TFDP2: variants seen among roughly 807,000 people sequenced by gnomAD.
TFDP2 encodes transcription factor Dp-2.
In TFDP2, 17 loss-of-function variants were observed where a neutral mutation model predicts 59.3. The ratio of observed to expected loss-of-function variants is 0.29; its 90% confidence interval spans 0.20 to 0.43. The LOEUF (loss-of-function observed/expected upper bound fraction) is 0.43, where lower values mean the gene tolerates loss of function less well. TFDP2 is among the 20% of genes least tolerant of loss of function. TFDP2 has a pLI of 1.00. For missense variants in TFDP2, 391 were observed against 528.8 expected (o/e 0.74, Z 2.56); for synonymous variants, 180 against 194.7 (o/e 0.92, Z 0.63).
intron 1 of TFDP2, among the ~76,000 whole-genome samples, chr3:142,112,663 T>C (rs1053911901): frequency 2.0e-5 from 3 of 152,182 alleles, no homozygotes; most frequent in Non-Finnish European, 4.4e-5. Context: ...TGAGGTAGAA[T>C]TCTTCTGTCA....
At chr3:142,058,504 C>T (rs2059814513) in intron 3 of TFDP2, among the ~76,000 whole-genome samples, 1 of 152,126 alleles carries the variant, frequency 6.6e-6, no homozygotes, top group African/African-American at 2.4e-5. Context: ...CATGCCCAGG[C>T]TACTCCCATT....
At chr3:142,113,216 T>C (rs2061722048) in intron 1 of TFDP2, among the ~76,000 whole-genome samples, 1 of 152,184 alleles carries the variant, frequency 6.6e-6, no homozygotes, top group Non-Finnish European at 1.5e-5. Flanking sequence ...GACTTATCTT[T>C]ACTTGAACCA....
At position 141,970,116 on chromosome 3, in the gene TFDP2, C is replaced by T. The variant is rs557555072; in HGVS notation, c.689G>A (p.Arg230Gln). The change falls in exon 9 of 13, where the codon CGG becomes CAG. Residue 230 changes from arginine to glutamine, a missense_variant. Transcript: ENST00000489671. ...LEIEKQRRIE[R>Q]IKQKRAQLQE... ...CAGCTGGGCCCGCTTCTGCTTTATC[C>T]GTTCTATCCGCCTCTGCTTCTCTAT... 4.1e-5 allele frequency: 66 copies of T among 1,614,144 alleles called. 1 individual carries two copies. In the South Asian group the frequency reaches 4.9e-4, roughly 12 times the overall value.
At chr3:141,964,077 C>A in intron 9 of TFDP2, 114 bp from the exon 10 acceptor site, 1 of 851,050 alleles carries the variant, frequency 1.2e-6, no homozygotes, top group East Asian at 2.8e-5. Context: ...AAGAGACATC[C>A]CGCCTGCACT....
chr3:142,092,988 T>C (rs2061048105), intron 3 of TFDP2, 73 bp downstream of exon 3: 1 of 984,092 alleles, frequency 1.0e-6, no homozygotes, highest in African/African-American at 1.6e-5. Flanking sequence ...GTAATTCATG[T>C]AGCTGCATAT....
intron 11 of TFDP2, among the ~76,000 whole-genome samples, chr3:141,955,311 T>C (rs1392662862): frequency 1.3e-5 from 2 of 152,232 alleles, no homozygotes; most frequent in African/African-American, 2.4e-5. Flanking sequence ...AGAAAGTCTG[T>C]ATCCCAGTCT....
At chr3:142,083,902 T>C (rs2060721912) in intron 3 of TFDP2, among the ~76,000 whole-genome samples, 3 of 152,188 alleles carry the variant, frequency 2.0e-5, no homozygotes, top group South Asian at 4.1e-4. Flanking sequence ...ATGAAACTAC[T>C]ACAAGAAAAC....
At chr3:142,088,978 C>T (rs2060907340) in intron 3 of TFDP2, among the ~76,000 whole-genome samples, 1 of 151,998 alleles carries the variant, frequency 6.6e-6, no homozygotes, top group African/African-American at 2.4e-5. Context: ...CAGGTGCCCG[C>T]CACCATGCCC....
chr3:142,013,357 T>C (rs1057207728), intron 3 of TFDP2, among the ~76,000 whole-genome samples: 3 of 152,206 alleles, frequency 2.0e-5, no homozygotes, highest in African/African-American at 7.2e-5. Context: ...AAAACTTACT[T>C]CCATCAAATC....
chr3:142,022,709 C>A (rs1369313727), intron 3 of TFDP2, among the ~76,000 whole-genome samples: 1 of 152,138 alleles, frequency 6.6e-6, no homozygotes, highest in African/African-American at 2.4e-5. Flanking sequence ...AGCTCACAGT[C>A]CGAGAGGGTA....
chr3:141,979,140 C>T (rs1941145286), intron 6 of TFDP2, among the ~76,000 whole-genome samples: 1 of 152,134 alleles, frequency 6.6e-6, no homozygotes, highest in Admixed American at 6.6e-5. Context: ...AATAAGATTA[C>T]AATGGAGCTG....
chr3:142,097,704 T>C (rs16852091), intron 2 of TFDP2, among the ~76,000 whole-genome samples: 7,181 of 151,912 alleles, frequency 0.047, 304 homozygotes, highest in Admixed American at 0.13. Flanking sequence ...TAAACTAAAA[T>C]AGACACTTAA....
intron 3 of TFDP2, among the ~76,000 whole-genome samples, chr3:142,019,501 C>A (rs925432759): frequency 6.6e-6 from 1 of 152,114 alleles, no homozygotes; most frequent in Non-Finnish European, 1.5e-5. Flanking sequence ...CTAAATTTAC[C>A]TTTGCTCCCT....
chr3:142,006,531 C>T (rs183833070), intron 3 of TFDP2, among the ~76,000 whole-genome samples: 1 of 148,604 alleles, frequency 6.7e-6, no homozygotes, highest in East Asian at 2.0e-4. Flanking sequence ...GACAGTGATG[C>T]AATCACAGGT....
At chr3:141,961,709 T>C (rs1937384379) in intron 10 of TFDP2, among the ~76,000 whole-genome samples, 1 of 152,342 alleles carries the variant, frequency 6.6e-6, no homozygotes, top group Non-Finnish European at 1.5e-5. Context: ...AGGTAAATAC[T>C]ATAATTCTTA....
intron 3 of TFDP2, among the ~76,000 whole-genome samples, chr3:142,077,231 C>T (rs1327799904): frequency 5.3e-5 from 8 of 152,200 alleles, no homozygotes; most frequent in African/African-American, 1.9e-4. Flanking sequence ...GGGTCCTAAA[C>T]AAACTTAAAA....
At chr3:141,962,858 C>G (rs957057356) in intron 10 of TFDP2, among the ~76,000 whole-genome samples, 28 of 152,232 alleles carry the variant, frequency 1.8e-4, no homozygotes, top group African/African-American at 6.5e-4. Flanking sequence ...GCCTGTGGTA[C>G]TGACGCAATT....
Position 142,093,117 on chromosome 3 carries a change from G to A in TFDP2, c.26C>T (p.Thr9Ile), listed in dbSNP as rs536044184. ...TCCTCTTACTTCTGCATTTGTGGAA[G>A]TCAAACCAACCTGAATAAAACCGTT... MTAKNVGL[T>I]STNAEVRGFI... The change falls in exon 3 of 13, where the codon ACT becomes ATT. Residue 9 changes from threonine (T) to isoleucine (I), a missense_variant. Physicochemically the swap from Thr to Ile is moderately conservative, Grantham distance 89. Around this residue, in one of 3 missense-constraint regions of TFDP2, gnomAD observed 162 missense variants for 206.8 expected, o/e 0.78. Coordinates refer to ENST00000489671, the MANE Select transcript of TFDP2 (RefSeq NM_001178139.2). 78 of 1,540,566 alleles carry A rather than the reference G, an allele frequency of 5.1e-5. No individual in the cohort carries two copies. The African/African-American group carries it at 1.0e-3, about 20-fold the overall frequency.
chr3:141,990,274 G>T (rs1473772077), intron 6 of TFDP2, among the ~76,000 whole-genome samples: 1 of 151,812 alleles, frequency 6.6e-6, no homozygotes, highest in Admixed American at 6.6e-5. Context: ...ACATGAGACG[G>T]AGTCCCGCTG....
Sources: allele counts gnomAD v4.1 joint callset (sites outside exome capture counted in the v4.1 genomes callset), GRCh38; gene constraint gnomAD v4.1.1; regional missense constraint gnomAD v4.1.1; transcripts MANE v1.5; gene names NCBI Gene and HGNC (gene_info 2026-07-23, HGNC 2026-07-21).